STAT5B: variants seen among roughly 807,000 people sequenced by gnomAD.
STAT5B encodes signal transducer and activator of transcription 5B.
A neutral mutation model predicts 107.8 loss-of-function variants in STAT5B; 21 were observed. That is an observed-to-expected ratio of 0.19 (90% confidence interval 0.14 to 0.28). The LOEUF (loss-of-function observed/expected upper bound fraction) is 0.28, where lower values mean the gene tolerates loss of function less well. STAT5B is among the 10% of genes least tolerant of loss of function. STAT5B has a pLI of 1.00. For synonymous variants in STAT5B, 325 were observed against 401.7 expected, an observed-to-expected ratio of 0.81 and a Z score of 2.28; for missense variants, 565 against 1,008.2, an observed-to-expected ratio of 0.56 and a Z score of 5.95.
chr17:42,286,860 C>A, the STAT5B span, among the ~76,000 whole-genome samples: 1 of 152,068 alleles, frequency 6.6e-6, no homozygotes, highest in Admixed American at 6.5e-5. Context: ...AAAGTCACTT[C>A]CCCTCTCTGG....
In STAT5B at chr17:42,231,995, C is replaced by T; in HGVS notation, c.128+5G>A. ...AATATGATGCAAACATCCTTGTTCACCTACCATGCTTGGCTTTCAATCCAC... is the reference window on the plus strand; with the variant it reads ...AATATGATGCAAACATCCTTGTTCATCTACCATGCTTGGCTTTCAATCCAC... On this transcript the variant is annotated splice_donor_5th_base_variant and intron_variant, in intron 2 of 18. Transcript: ENST00000293328. The T allele has an allele frequency of 6.2e-7, 1 of 1,613,832 alleles. No homozygotes were observed. Among genetic ancestry groups the T allele is most frequent in the Non-Finnish European group, 8.5e-7 (1 of 1,179,802 alleles).
At chr17:42,268,614 C>G (rs1406915589) in intron 1 of STAT5B, 1 of 152,090 alleles carries the variant, frequency 6.6e-6, no homozygotes, top group Non-Finnish European at 1.5e-5. Context: ...ATCCAGTTCT[C>G]ACTATACATA....
chr17:42,235,203 A>AT (rs1372175118), intron 1 of STAT5B: 4 of 152,148 alleles, frequency 2.6e-5, no homozygotes, highest in African/African-American at 9.7e-5. Context: ...TTTTCTTATC[A>AT]TTTATCAATT....
intron 1 of STAT5B, among the ~76,000 whole-genome samples, chr17:42,261,508 T>C (rs2080596564): frequency 1.3e-5 from 2 of 152,200 alleles, no homozygotes; most frequent in South Asian, 4.1e-4. Context: ...GCAATTTCAC[T>C]ATAATAAATT....
chr17:42,283,441 A>G, the STAT5B span, among the ~76,000 whole-genome samples: 1 of 152,198 alleles, frequency 6.6e-6, no homozygotes, highest in South Asian at 2.1e-4. Flanking sequence ...GTCCAGAAAG[A>G]AACCGGCCTA....
At chr17:42,244,520 T>G (rs906036587) in intron 1 of STAT5B, among the ~76,000 whole-genome samples, 2 of 152,192 alleles carry the variant, frequency 1.3e-5, no homozygotes, top group Non-Finnish European at 2.9e-5. Flanking sequence ...TACAATACCC[T>G]GTTTCTATAC....
At chr17:42,213,419 C>G (rs1309684668) in intron 12 of STAT5B, among the ~76,000 whole-genome samples, 1 of 152,144 alleles carries the variant, frequency 6.6e-6, no homozygotes, top group Non-Finnish European at 1.5e-5. Flanking sequence ...GTTGACAAGG[C>G]TGGCCTCAAA....
chr17:42,215,885 G>A, intron 12 of STAT5B, 129 bp downstream of exon 12: 1 of 1,062,990 alleles, frequency 9.4e-7, no homozygotes, highest in Non-Finnish European at 1.4e-6. Context: ...GCCTCCCAAA[G>A]TGCTGGGATT....
At chr17:42,218,043 G>A (rs1253159713) in intron 9 of STAT5B, 108 bp downstream of exon 9, 4 of 1,533,076 alleles carry the variant, frequency 2.6e-6, no homozygotes, top group Admixed American at 2.0e-5. Context: ...ATGCCCAGAA[G>A]AGGCCAGAAG....
intron 1 of STAT5B, among the ~76,000 whole-genome samples, chr17:42,237,564 T>C (rs1567667493): frequency 6.6e-6 from 1 of 152,170 alleles, no homozygotes; most frequent in Non-Finnish European, 1.5e-5. Flanking sequence ...GAATGAATTC[T>C]AGTGTGGGGT....
At chr17:42,214,078 A>G (rs569942995) in intron 12 of STAT5B, 11 of 373,094 alleles carry the variant, frequency 2.9e-5, no homozygotes, top group Non-Finnish European at 4.1e-5. Flanking sequence ...AGAAGGCAGA[A>G]GCTGCAGTGA....
At chr17:42,224,100 G>A (rs2080253531) in intron 4 of STAT5B, among the ~76,000 whole-genome samples, 1 of 152,108 alleles carries the variant, frequency 6.6e-6, no homozygotes, top group Non-Finnish European at 1.5e-5. Context: ...GAAGTGATGG[G>A]GGAGGCATAA....
chr17:42,267,476 C>T (rs2144418357), intron 1 of STAT5B, among the ~76,000 whole-genome samples: 1 of 151,708 alleles, frequency 6.6e-6, no homozygotes, highest in East Asian at 1.9e-4. Flanking sequence ...TGTGTTTATG[C>T]CTTCACTTTT....
the STAT5B span, among the ~76,000 whole-genome samples, chr17:42,285,247 G>A: frequency 6.6e-6 from 1 of 151,770 alleles, no homozygotes; most frequent in African/African-American, 2.4e-5. Flanking sequence ...GTGACACCAC[G>A]CCCAGCTAAT....
Position 42,226,393 on chromosome 17 carries a change from T to A in STAT5B, c.285+1136A>T, listed in dbSNP as rs535178320. On this transcript the variant is annotated intron_variant, in intron 3 of 18. Transcript: ENST00000293328. Reference sequence around the variant, plus strand: ...GCGGGGAAAAATACCCTAAAGGACATGTTTGAATTAGTTGACAAAATGGAA... The same window carrying A: ...GCGGGGAAAAATACCCTAAAGGACAAGTTTGAATTAGTTGACAAAATGGAA... 1.1e-4 allele frequency among the ~76,000 whole-genome samples: 17 copies of A among 152,260 alleles called. No homozygotes were observed. The South Asian group carries it at 2.1e-3, about 19-fold the overall frequency.
chr17:42,232,759 C>T (rs576004627), intron 1 of STAT5B, among the ~76,000 whole-genome samples: 55 of 151,602 alleles, frequency 3.6e-4, no homozygotes, highest in African/African-American at 9.0e-4. Flanking sequence ...ACTTTGACAT[C>T]GTAGACATAT....
chr17:42,217,097 TA>T, intron 11 of STAT5B, 62 bp downstream of exon 11: 1 of 1,560,116 alleles, frequency 6.4e-7, no homozygotes, highest in South Asian at 1.2e-5. Flanking sequence ...AAATATTTTG[TA>T]ACATAAAGTA....
intron 1 of STAT5B, among the ~76,000 whole-genome samples, chr17:42,262,435 A>C (rs936886149): frequency 2.0e-5 from 3 of 152,094 alleles, no homozygotes; most frequent in Non-Finnish European, 4.4e-5. Context: ...AATTTAATTA[A>C]GGCAGAACAT....
At position 42,205,351 on chromosome 17, in the gene STAT5B, T is replaced by TA. The variant is rs56661872; in HGVS notation, c.2077+2206dup. Among the ~76,000 whole-genome samples, 4,074 of 145,284 alleles carry TA rather than the reference T, an allele frequency of 0.028. 354 individuals are homozygous for TA. In the East Asian group the frequency reaches 0.34, roughly 12 times the overall value. ...CAGCTACCTAGGATATATTTCCAAG[T>TA]AAAAAAAAAAAGTCACAAAAAATTA... is the stretch of plus-strand genomic sequence containing the variant. On this transcript the variant is annotated intron_variant, in intron 16 of 18. Coordinates refer to ENST00000293328, the MANE Select transcript of STAT5B (RefSeq NM_012448.4).
Sources: allele counts gnomAD v4.1 joint callset (sites outside exome capture counted in the v4.1 genomes callset), GRCh38; gene constraint gnomAD v4.1.1; transcripts MANE v1.5; gene names NCBI Gene and HGNC (gene_info 2026-07-23, HGNC 2026-07-21).